The following TEK variants were observed in gnomAD, a reference collection of about 807,000 sequenced individuals.
TEK encodes the protein angiopoietin-1 receptor.
A neutral mutation model predicts 131.8 loss-of-function variants in TEK; 43 were observed. The ratio of observed to expected loss-of-function variants is 0.33; its 90% confidence interval spans 0.26 to 0.42. The LOEUF (loss-of-function observed/expected upper bound fraction) is 0.42, where lower values mean the gene tolerates loss of function less well. Among genes scored for constraint, TEK ranks in the 10% least tolerant of loss-of-function variants. TEK has a pLI of 1.00. For synonymous variants in TEK, 580 were observed against 491.6 expected, an observed-to-expected ratio of 1.18 and a Z score of -2.38; for missense variants, 1,162 against 1,384.4, an observed-to-expected ratio of 0.84 and a Z score of 2.55.
chr9:27,207,550 G>A (rs1825441496), intron 15 of TEK, among the ~76,000 whole-genome samples: 1 of 152,234 alleles, frequency 6.6e-6, no homozygotes, highest in Admixed American at 6.5e-5. Context: ...AAAGCAGCAT[G>A]ACTAGTTCAC....
intron 1 of TEK, among the ~76,000 whole-genome samples, chr9:27,149,403 G>A (rs1340850812): frequency 6.6e-6 from 1 of 152,108 alleles, no homozygotes; most frequent in Non-Finnish European, 1.5e-5. Flanking sequence ...GAGAATTCAA[G>A]TGGACAATGT....
chr9:27,189,372 T>C (rs566166366), intron 9 of TEK, among the ~76,000 whole-genome samples: 3 of 152,332 alleles, frequency 2.0e-5, no homozygotes, highest in East Asian at 1.9e-4. Context: ...GATTTTATTA[T>C]CACAGATGTA....
intron 1 of TEK, among the ~76,000 whole-genome samples, chr9:27,137,032 C>T (rs1183826463): frequency 6.6e-6 from 1 of 152,184 alleles, no homozygotes; most frequent in Non-Finnish European, 1.5e-5. Flanking sequence ...TCTCCTGCCT[C>T]AGCCTCCCGA....
intron 21 of TEK, among the ~76,000 whole-genome samples, chr9:27,226,601 C>A (rs1826338423): frequency 6.6e-6 from 1 of 152,088 alleles, no homozygotes; most frequent in African/African-American, 2.4e-5. Flanking sequence ...GGAGGGATAG[C>A]ATTAGGAGAA....
In TEK at chr9:27,162,545, A is replaced by G. The variant is rs141585451; in HGVS notation, c.364+4403A>G. On this transcript the variant is annotated intron_variant, in intron 2 of 22. Coordinates refer to ENST00000380036, the MANE Select transcript of TEK (RefSeq NM_000459.5). ...AGAGGGTTATTTTATTCCTACTTTC[A>G]TTTGAGAAATAGCTTTATATTAAGA... Among the ~76,000 whole-genome samples, 210 of 152,348 alleles carry G rather than the reference A, an allele frequency of 1.4e-3. 1 individual carries two copies. The highest frequency in any genetic ancestry group is 4.8e-3 in the African/African-American group (198 of 41,586).
At chr9:27,217,633 G>C in intron 18 of TEK, 55 bp from the exon 19 acceptor site, 1 of 1,525,782 alleles carries the variant, frequency 6.6e-7, no homozygotes, top group Non-Finnish European at 9.1e-7. Context: ...GGCAGGCTGA[G>C]AGCCTCTTAA....
At chr9:27,188,001 T>G (rs1824663629) in intron 9 of TEK, among the ~76,000 whole-genome samples, 1 of 152,154 alleles carries the variant, frequency 6.6e-6, no homozygotes, top group Admixed American at 6.5e-5. Context: ...GGAATACAAT[T>G]TAGCCCATAA....
Position 27,205,022 on chromosome 9 carries a change from G to A in TEK, c.2321G>A (p.Arg774Lys), listed in dbSNP as rs1825353817. 3.1e-6 allele frequency: 5 copies of A among 1,613,924 alleles called. No individual in the cohort carries two copies. Among genetic ancestry groups the A allele is most frequent in the Admixed American group, 3.3e-5 (2 of 59,988 alleles). ...LAFLIILQLK[R>K]ANVQRRMAQA... ...TTTCTGATCATATTGCAATTGAAGA[G>A]GGCAAATGTGCAAAGGAGAATGGCC... The change falls in exon 14 of 23, where the codon AGG (arginine) becomes AAG (lysine). Residue 774 changes from arginine (R) to lysine (K), a missense_variant. Around this residue, in one of 6 missense-constraint regions of TEK, gnomAD observed 477 missense variants for 471.0 expected, o/e 1.01. Coordinates refer to ENST00000380036, the MANE Select transcript of TEK (RefSeq NM_000459.5).
At chr9:27,228,378 T>C (rs893327574) in intron 22 of TEK, 73 bp downstream of exon 22, 8 of 1,158,728 alleles carry the variant, frequency 6.9e-6, no homozygotes, top group East Asian at 2.4e-5. Context: ...ATAAAAAACA[T>C]TGAAATAATT....
chr9:27,168,406 A>G, intron 2 of TEK, 89 bp from the exon 3 acceptor site: 1 of 982,290 alleles, frequency 1.0e-6, no homozygotes, highest in Non-Finnish European at 1.6e-6. Flanking sequence ...AGCAAGTGCC[A>G]GCCCTCATTT....
At chr9:27,228,804 A>G (rs10757643) in intron 22 of TEK, among the ~76,000 whole-genome samples, 12,094 of 152,196 alleles carry the variant, frequency 0.079, 686 homozygotes, top group Admixed American at 0.15. Context: ...ATTCAACTAG[A>G]GATGCAGGTG....
intron 12 of TEK, 111 bp downstream of exon 12, chr9:27,197,710 G>T (rs1377450188): frequency 1.4e-6 from 2 of 1,383,512 alleles, no homozygotes; most frequent in African/African-American, 2.9e-5. Flanking sequence ...AAAGTTAGTT[G>T]TGAGAGAAGG....
At chr9:27,139,696 C>T (rs1461539555) in intron 1 of TEK, among the ~76,000 whole-genome samples, 1 of 151,646 alleles carries the variant, frequency 6.6e-6, no homozygotes, top group Non-Finnish European at 1.5e-5. Flanking sequence ...ACTTGATTTA[C>T]TGTGTTGTGG....
rs1824875513 is a variant in TEK at position 27,192,887 on chromosome 9, A to G, written c.1624+264A>G. Reference sequence around the variant, plus strand: ...ACTCTGTAGGGACAGAGAAGGAAGCAGATGAGCCTTCAGGAAGGCAGGGCC... The same window carrying G: ...ACTCTGTAGGGACAGAGAAGGAAGCGGATGAGCCTTCAGGAAGGCAGGGCC... On this transcript the variant is annotated intron_variant, in intron 11 of 22. Coordinates refer to ENST00000380036, the MANE Select transcript of TEK (RefSeq NM_000459.5). Among the ~76,000 whole-genome samples, 4 of 152,204 alleles carry G rather than the reference A, an allele frequency of 2.6e-5. No individual in the cohort carries two copies. The South Asian group carries it at 8.3e-4, about 31-fold the overall frequency.
At chr9:27,216,088 G>T (rs944233957) in intron 18 of TEK, among the ~76,000 whole-genome samples, 2 of 152,164 alleles carry the variant, frequency 1.3e-5, no homozygotes, top group Non-Finnish European at 2.9e-5. Context: ...AAACTTCAGG[G>T]TTGGAAGAGG....
chr9:27,116,572 C>T (rs879608188), intron 1 of TEK, among the ~76,000 whole-genome samples: 1 of 151,870 alleles, frequency 6.6e-6, no homozygotes, highest in South Asian at 2.1e-4. Flanking sequence ...CGTGAGCCAC[C>T]GCACCTGGCC....
chr9:27,203,769 A>T (rs1015599995), intron 13 of TEK, among the ~76,000 whole-genome samples: 2 of 152,260 alleles, frequency 1.3e-5, no homozygotes, highest in African/African-American at 4.8e-5. Flanking sequence ...TGTGTTGTGT[A>T]CAATGTGTGC....
At chr9:27,206,173 TCTCA>T (rs1825392994) in intron 14 of TEK, among the ~76,000 whole-genome samples, 1 of 151,590 alleles carries the variant, frequency 6.6e-6, no homozygotes, top group Admixed American at 6.6e-5. Context: ...CTAAGAAAGC[TCTCA>T]CTGAGGCGCA....
At chr9:27,194,021 T>C (rs1261400700) in intron 11 of TEK, among the ~76,000 whole-genome samples, 3 of 152,192 alleles carry the variant, frequency 2.0e-5, no homozygotes, top group Non-Finnish European at 4.4e-5. Context: ...TTGCCCAGGC[T>C]GGTCTTAAAC....
Sources: allele counts gnomAD v4.1 joint callset (sites outside exome capture counted in the v4.1 genomes callset), GRCh38; gene constraint gnomAD v4.1.1; regional missense constraint gnomAD v4.1.1; transcripts MANE v1.5; gene names NCBI Gene and HGNC (gene_info 2026-07-23, HGNC 2026-07-21).